Variants in FOCAD observed in about 807,000 individuals in gnomAD.
FOCAD encodes KIAA1797.
A neutral mutation model predicts 225.6 loss-of-function variants in FOCAD; 198 were observed. The observed-to-expected ratio is 0.88, with a 90% CI of 0.78 to 0.99. FOCAD has a LOEUF of 0.99. FOCAD is among the 50% of genes least tolerant of loss of function. FOCAD has a pLI of 0.00. For missense variants in FOCAD, 2,713 were observed against 2,123.6 expected (o/e 1.28, Z -5.46); for synonymous variants, 897 against 755.0 (o/e 1.19, Z -3.08).
At chr9:20,862,739 C>T (rs781607344) in intron 16 of FOCAD, 27 bp downstream of exon 16, 2 of 1,593,102 alleles carry the variant, frequency 1.3e-6, no homozygotes, top group Non-Finnish European at 1.7e-6. Context: ...CAGCACATTG[C>T]CTGCTTCTTC....
At chr9:20,952,003 A>C (rs1175848140) in intron 34 of FOCAD, among the ~76,000 whole-genome samples, 1 of 152,174 alleles carries the variant, frequency 6.6e-6, no homozygotes, top group Non-Finnish European at 1.5e-5. Flanking sequence ...GAAATAGGAC[A>C]ACTGGTCCAC....
rs79458722 is a variant in FOCAD at position 20,659,590 on chromosome 9, C to T, written c.-78+764C>T. 3.7e-3 allele frequency among the ~76,000 whole-genome samples: 568 copies of T among 152,130 alleles called. 12 individuals carry two copies. The highest frequency in any genetic ancestry group is 0.035 in the East Asian group (183 of 5,180). On this transcript the variant is annotated intron_variant, in intron 2 of 45. Transcript: ENST00000380249. ...ATCTGCATGTCAAGGAGCTAGGCCTCGGGAGAAAGCAGGCCTGCTAACACT... is the reference window on the plus strand; with the variant it reads ...ATCTGCATGTCAAGGAGCTAGGCCTTGGGAGAAAGCAGGCCTGCTAACACT...
intron 1 of FOCAD, among the ~76,000 whole-genome samples, chr9:20,692,525 T>TGTGATTCTGTGGTTGGCA (rs1442845729): frequency 1.3e-5 from 2 of 152,180 alleles, no homozygotes; most frequent in Non-Finnish European, 2.9e-5. Context: ...TGTATTAGTT[T>TGTGATTCTGTGGTTGGCA]GTGATTCTGT....
intron 2 of FOCAD, among the ~76,000 whole-genome samples, chr9:20,665,056 A>T (rs1470099244): frequency 1.3e-5 from 2 of 152,124 alleles, no homozygotes; most frequent in African/African-American, 4.8e-5. Flanking sequence ...GAAAATGATA[A>T]ACCAGGGTAG....
chr9:20,834,361 G>A (rs1382229785), intron 15 of FOCAD, among the ~76,000 whole-genome samples: 1 of 151,980 alleles, frequency 6.6e-6, no homozygotes, highest in Admixed American at 6.6e-5. Context: ...TTAATACCTA[G>A]GTGATGGGTT....
intron 2 of FOCAD, among the ~76,000 whole-genome samples, chr9:20,672,496 G>A (rs542673368): frequency 3.9e-4 from 60 of 152,270 alleles, no homozygotes; most frequent in African/African-American, 1.4e-3. Flanking sequence ...TGTCGCCCAG[G>A]CTGGAGTGCA....
intron 11 of FOCAD, among the ~76,000 whole-genome samples, chr9:20,791,071 A>G (rs886194956): frequency 6.6e-6 from 1 of 152,174 alleles, no homozygotes; most frequent in Non-Finnish European, 1.5e-5. Flanking sequence ...CAGTGTTGAC[A>G]CTTGGTAGGA....
At chr9:20,966,361 C>G (rs1266997009) in intron 35 of FOCAD, among the ~76,000 whole-genome samples, 1 of 151,366 alleles carries the variant, frequency 6.6e-6, no homozygotes. Context: ...AGTCCTTTGC[C>G]TATTTAAAAA....
At chr9:20,790,678 A>G (rs201688816) in intron 11 of FOCAD, among the ~76,000 whole-genome samples, 1 of 152,132 alleles carries the variant, frequency 6.6e-6, no homozygotes, top group Admixed American at 6.5e-5. Flanking sequence ...GGCTGAGGCA[A>G]GAGAATTACT....
intron 22 of FOCAD, among the ~76,000 whole-genome samples, chr9:20,908,736 A>G (rs932993158): frequency 2.6e-5 from 4 of 152,154 alleles, no homozygotes; most frequent in African/African-American, 9.6e-5. Flanking sequence ...TTAAGAGCCA[A>G]TTACAGTTTT....
chr9:20,770,133 G>A lies in FOCAD; in HGVS notation c.801G>A (p.Gln267=), dbSNP rs1362592569. 6.2e-7 allele frequency: 1 copy of A among 1,613,992 alleles called. No homozygotes were observed. The highest frequency in any genetic ancestry group is 8.5e-7 in the Non-Finnish European group (1 of 1,180,014). ...TTTTCTGGAAAATTCAGCTTACCCA[G>A]ATGAGTCTTCAGCTGCTGTGTGTCA... ...HPVFWKIQLT[Q]MSLQLLCVSE... Residue 267 remains glutamine (Q), a synonymous_variant, in exon 8 of 44, where the codon CAG becomes CAA. Coordinates refer to ENST00000338382, the MANE Select transcript of FOCAD (RefSeq NM_001375567.1).
chr9:20,925,339 A>T (rs1834837987), intron 25 of FOCAD, among the ~76,000 whole-genome samples: 1 of 152,012 alleles, frequency 6.6e-6, no homozygotes, highest in Non-Finnish European at 1.5e-5. Context: ...TTATACAGTA[A>T]TTTTCCCCAA....
chr9:20,710,652 G>A (rs983460376), intron 1 of FOCAD, among the ~76,000 whole-genome samples: 5 of 151,440 alleles, frequency 3.3e-5, no homozygotes, highest in East Asian at 1.9e-4. Context: ...TGAGAATATT[G>A]CATATTATAT....
chr9:20,666,709 T>A (rs1237977306), intron 2 of FOCAD, among the ~76,000 whole-genome samples: 1 of 152,154 alleles, frequency 6.6e-6, no homozygotes, highest in African/African-American at 2.4e-5. Flanking sequence ...GAAGAGGGTG[T>A]TTTCTAGAAA....
chr9:20,785,146 T>A (rs369629449), intron 10 of FOCAD, among the ~76,000 whole-genome samples: 3 of 152,304 alleles, frequency 2.0e-5, no homozygotes, highest in East Asian at 3.9e-4. Context: ...ATTATTGATC[T>A]CATTTTACCT....
At chr9:20,858,312 A>G (rs1182173543) in intron 15 of FOCAD, among the ~76,000 whole-genome samples, 2 of 151,984 alleles carry the variant, frequency 1.3e-5, no homozygotes, top group Non-Finnish European at 2.9e-5. Flanking sequence ...TTTTCATTAA[A>G]TCTTGGTAGG....
intron 20 of FOCAD, among the ~76,000 whole-genome samples, chr9:20,884,212 C>G (rs1830913309): frequency 6.6e-6 from 1 of 152,162 alleles, no homozygotes; most frequent in Non-Finnish European, 1.5e-5. Flanking sequence ...TATACTTATA[C>G]TTATTTACTC....
intron 11 of FOCAD, among the ~76,000 whole-genome samples, chr9:20,808,032 G>C (rs1253112751): frequency 6.6e-6 from 1 of 151,674 alleles, no homozygotes; most frequent in East Asian, 1.9e-4. Flanking sequence ...GGGCGACAGA[G>C]TGAGACTCCG....
intron 2 of FOCAD, among the ~76,000 whole-genome samples, chr9:20,663,808 A>G: frequency 6.6e-6 from 1 of 152,230 alleles, no homozygotes. Context: ...ATTTTCTGTA[A>G]AAACCATCTC....
Sources: allele counts gnomAD v4.1 joint callset (sites outside exome capture counted in the v4.1 genomes callset), GRCh38; gene constraint gnomAD v4.1.1; transcripts MANE v1.5; gene names NCBI Gene and HGNC (gene_info 2026-07-23, HGNC 2026-07-21).